PTPN18: variants seen among roughly 807,000 people sequenced by gnomAD.
PTPN18 encodes the protein tyrosine-protein phosphatase non-receptor type 18.
In PTPN18, 65 loss-of-function variants were observed where a neutral mutation model predicts 65.4. That is an observed-to-expected ratio of 0.99 (90% CI 0.81 to 1.22). The LOEUF (loss-of-function observed/expected upper bound fraction) is 1.22. Among genes scored for constraint, PTPN18 ranks in the 50% most tolerant of loss-of-function variants. The pLI, the probability that PTPN18 is intolerant of heterozygous loss-of-function variation, is 0.00. For missense variants in PTPN18, 616 were observed against 646.5 expected (o/e 0.95, Z 0.51); for synonymous variants, 255 against 267.8 (o/e 0.95, Z 0.47).
In PTPN18 at chr2:130,359,769, G is replaced by A; in HGVS notation, c.414+123G>A. ...CTTGGAGTGACCTTATTGTAGCTCT[G>A]TGGGAAGCCCCATTGTTCCTCTAAG... On this transcript the variant is annotated intron_variant, in intron 5 of 14. Transcript: ENST00000175756. 3.4e-6 allele frequency: 4 copies of A among 1,186,908 alleles called. No individual in the cohort carries two copies. The South Asian group carries it at 4.0e-5, about 12-fold the overall frequency. 73.5% of individuals were successfully genotyped at this position (1,186,908 alleles called of 1,614,324 possible). A position where few individuals can be genotyped will look rare whatever the true frequency, so the allele number is the denominator to read the frequency against.
intron 12 of PTPN18, 163 bp downstream of exon 12, chr2:130,371,450 C>G: frequency 3.1e-6 from 2 of 641,050 alleles, no homozygotes; most frequent in South Asian, 4.0e-5. Flanking sequence ...TTCAATTATC[C>G]CAAGATGATT....
intron 5 of PTPN18, among the ~76,000 whole-genome samples, chr2:130,360,561 C>T (rs1417874867): frequency 6.6e-6 from 1 of 152,066 alleles, no homozygotes; most frequent in Non-Finnish European, 1.5e-5. Context: ...TTTTCATGCT[C>T]CTGCCTGTTT....
At chr2:130,359,078 C>CACTGTGCTCTCCT in intron 2 of PTPN18, 103 bp downstream of exon 2, 1 of 1,455,994 alleles carries the variant, frequency 6.9e-7, no homozygotes, top group Non-Finnish European at 9.5e-7. Context: ...CCTCCCAGAG[C>CACTGTGCTCTCCT]CTCACCCTCT....
chr2:130,370,404 A>C, intron 8 of PTPN18, 153 bp from the exon 9 acceptor site: 4 of 1,146,158 alleles, frequency 3.5e-6, no homozygotes, highest in Non-Finnish European at 5.1e-6. Context: ...AGTGATTAAA[A>C]AGGTTTTCCT....
intron 13 of PTPN18, 40 bp from the exon 14 acceptor site, chr2:130,372,833 G>A (rs1558848906): frequency 1.2e-6 from 2 of 1,610,290 alleles, no homozygotes; most frequent in African/African-American, 1.3e-5. Flanking sequence ...GACTCCCTGG[G>A]GCTTCCGGAG....
At chr2:130,357,102 C>T (rs1187887978) in intron 1 of PTPN18, among the ~76,000 whole-genome samples, 1 of 152,328 alleles carries the variant, frequency 6.6e-6, no homozygotes, top group South Asian at 2.1e-4. Context: ...ACAGGGGACT[C>T]GCTTGAACCT....
In PTPN18 at chr2:130,356,118, G is replaced by T; in HGVS notation, c.11G>T (p.Ser4Ile). 7.6e-7 allele frequency: 1 copy of T among 1,308,888 alleles called. No individual in the cohort carries two copies. Among genetic ancestry groups the T allele is most frequent in the South Asian group, 2.2e-5 (1 of 46,190 alleles). The allele number at this position is 1,308,888 out of a possible 1,614,324, so 81.1% of individuals were successfully genotyped here. ...CTGGCCCGCGGCGCCATGAGCCGCAGCCTGGACTCGGCGCGGAGCTTCCTG... is the reference window on the plus strand; with the variant it reads ...CTGGCCCGCGGCGCCATGAGCCGCATCCTGGACTCGGCGCGGAGCTTCCTG... Reference protein sequence around the residue: MSRSLDSARSFLER... With the variant: MSRILDSARSFLER... The change falls in exon 1 of 15, where the codon AGC (serine) becomes ATC (isoleucine). Residue 4 changes from serine (S) to isoleucine (I), a missense_variant. Transcript: ENST00000175756.
Position 130,359,624 on chromosome 2 carries a change from G to A in PTPN18, c.392G>A (p.Cys131Tyr). 2 of 1,614,118 alleles carry A rather than the reference G, an allele frequency of 1.2e-6. No homozygotes were observed. The highest frequency in any genetic ancestry group is 1.7e-6 in the Non-Finnish European group (2 of 1,180,004). ...CTTGTCTAGGTGATCCTGATGGCCTGTCGAGAGATAGAGAATGGGCGGGTA... is the reference window on the plus strand; with the variant it reads ...CTTGTCTAGGTGATCCTGATGGCCTATCGAGAGATAGAGAATGGGCGGGTA... ...EFGVKVILMA[C>Y]REIENGRKRC... Residue 131 changes from cysteine (C) to tyrosine (Y), a missense_variant, in exon 5 of 15, where the codon TGT (cysteine) becomes TAT (tyrosine). Cys to Tyr is a radical substitution (Grantham distance 194, BLOSUM62 -2). Coordinates refer to ENST00000175756, the MANE Select transcript of PTPN18 (RefSeq NM_014369.4).
chr2:130,369,242 A>G, intron 6 of PTPN18, 41 bp downstream of exon 6: 1 of 1,573,314 alleles, frequency 6.4e-7, no homozygotes, highest in Non-Finnish European at 8.7e-7. Context: ...CCAGGGTGGA[A>G]AGGCTTTGGG....
chr2:130,358,896 G>A lies in PTPN18; in HGVS notation c.123G>A (p.Lys41=), dbSNP rs764764085. Reference sequence around the variant, plus strand: ...TCCAGGCCTGCTCGGCCGCCTGGAAGGCTGACGGCGTGTGCTCCACCGTGG... The same window carrying A: ...TCCAGGCCTGCTCGGCCGCCTGGAAAGCTGACGGCGTGTGCTCCACCGTGG... ...SDIQACSAAW[K]ADGVCSTVAG... is the part of the protein sequence containing the mutation. Residue 41 remains lysine, a synonymous_variant, in exon 2 of 15, where the codon AAG becomes AAA. Coordinates refer to ENST00000175756, the MANE Select transcript of PTPN18 (RefSeq NM_014369.4). 6.2e-7 allele frequency: 1 copy of A among 1,613,832 alleles called. No homozygotes were observed. Among genetic ancestry groups the A allele is most frequent in the South Asian group, 1.1e-5 (1 of 91,068 alleles).
intron 5 of PTPN18, among the ~76,000 whole-genome samples, chr2:130,366,140 G>A (rs1680372713): frequency 6.6e-6 from 1 of 152,140 alleles, no homozygotes; most frequent in Non-Finnish European, 1.5e-5. Flanking sequence ...CTCTTGGGTG[G>A]CCTCTAGAAA....
chr2:130,357,810 C>T (rs527949780), intron 1 of PTPN18, among the ~76,000 whole-genome samples: 3 of 146,758 alleles, frequency 2.0e-5, no homozygotes, highest in Non-Finnish European at 4.5e-5. Context: ...GAGCCGAGAT[C>T]GCGCCACTGC....
intron 5 of PTPN18, among the ~76,000 whole-genome samples, chr2:130,367,093 G>C (rs1360268967): frequency 1.0e-5 from 1 of 99,654 alleles, no homozygotes; most frequent in Non-Finnish European, 1.9e-5. Context: ...TACAGGCTAT[G>C]TTGCTCAGGC....
At chr2:130,361,620 C>A (rs1558842409) in intron 5 of PTPN18, among the ~76,000 whole-genome samples, 1 of 146,666 alleles carries the variant, frequency 6.8e-6, no homozygotes, top group African/African-American at 2.6e-5. Context: ...ATGCAGTTTC[C>A]CTCGTCACCC....
At chr2:130,362,044 T>C in intron 5 of PTPN18, 1 of 448,046 alleles carries the variant, frequency 2.2e-6, no homozygotes, top group South Asian at 1.6e-5. Flanking sequence ...CATAGTTCAC[T>C]GTAACCTCAA....
intron 12 of PTPN18, 45 bp downstream of exon 12, chr2:130,371,332 G>T: frequency 6.8e-7 from 1 of 1,464,852 alleles, no homozygotes. Flanking sequence ...AATTTCTCAG[G>T]CTAACCCCTT....
Position 130,369,779 on chromosome 2 carries a change from G to A in PTPN18, c.498G>A (p.Trp166Ter), listed in dbSNP as rs1558846244. ...LFCITLIKEK[W>*]LNEDIMLRTL... ...CCCTTACTCAGATAAAGGAGAAGTG[G>A]CTGAATGAGGACATCATGCTCAGGA... The change falls in exon 7 of 15, where the codon TGG becomes TGA. Residue 166 changes from tryptophan to a stop codon, truncating the protein, a stop_gained. Transcript: ENST00000175756. LOFTEE classifies it high-confidence loss of function. 2.5e-6 allele frequency: 4 copies of A among 1,601,130 alleles called. No individual in the cohort carries two copies. Among genetic ancestry groups the A allele is most frequent in the South Asian group, 1.1e-5 (1 of 90,662 alleles).
intron 1 of PTPN18, 142 bp downstream of exon 1, chr2:130,356,342 TC>T: frequency 1.7e-6 from 1 of 580,206 alleles, no homozygotes; most frequent in Non-Finnish European, 2.8e-6. Flanking sequence ...CGTGTTTCTC[TC>T]CCCAGCACTT....
chr2:130,372,029 C>T, intron 12 of PTPN18: 1 of 518,896 alleles, frequency 1.9e-6, no homozygotes, highest in South Asian at 2.4e-5. Context: ...CAAACCAACA[C>T]TCTGCCCCAA....
Sources: gnomAD v4.1 joint callset for allele counts (sites outside exome capture counted in the v4.1 genomes callset) on GRCh38, gnomAD v4.1.1 for gene constraint, MANE v1.5 for transcripts, NCBI Gene and HGNC (gene_info 2026-07-23, HGNC 2026-07-21) for gene names.